Variants in SLC17A5 observed in about 807,000 individuals in gnomAD.
The protein encoded by SLC17A5 is sialin.
In SLC17A5, 47 loss-of-function variants were observed where a neutral mutation model predicts 59.4. The ratio of observed to expected loss-of-function variants is 0.79; its 90% CI spans 0.63 to 1.01. SLC17A5 has a LOEUF of 1.01. SLC17A5 is among the 50% of genes least tolerant of loss of function. SLC17A5 has a pLI of 0.00. For missense variants in SLC17A5, 522 were observed against 595.5 expected (o/e 0.88, Z 1.28); for synonymous variants, 202 against 210.7 (o/e 0.96, Z 0.36).
chr6:73,619,922 G>GTT (rs1174723514), intron 7 of SLC17A5, among the ~76,000 whole-genome samples: 139 of 119,112 alleles, frequency 1.2e-3, no homozygotes, highest in East Asian at 2.7e-3. Flanking sequence ...TTGAGAATTT[G>GTT]TTTTTTTTTT....
rs147183137 is a variant in SLC17A5, at chr6:73,599,985, G to A, written c.1350+366C>T. ...TAATTTTTGTATTTTTAGTAGAGAC[G>A]GGGTTTCACCATGTTGGTGAGGCTG... On this transcript the variant is annotated intron_variant, in intron 10 of 10. Transcript: ENST00000355773. Among the ~76,000 whole-genome samples, 855 of 152,132 alleles carry A rather than the reference G, an allele frequency of 5.6e-3. 6 individuals are homozygous for A. Among genetic ancestry groups the A allele is most frequent in the Middle Eastern group, 0.01 (3 of 294 alleles).
At chr6:73,652,019 T>C (rs1461353243) in intron 1 of SLC17A5, among the ~76,000 whole-genome samples, 3 of 152,298 alleles carry the variant, frequency 2.0e-5, no homozygotes, top group South Asian at 2.1e-4. Flanking sequence ...GCTGGTTACA[T>C]GGGGGCTCAT....
In SLC17A5 at chr6:73,598,091, T is replaced by A. The variant is rs886420819; in HGVS notation, c.1350+2260A>T. Among the ~76,000 whole-genome samples, 5 of 152,220 alleles carry A rather than the reference T, an allele frequency of 3.3e-5. 1 individual carries two copies. Among genetic ancestry groups the A allele is most frequent in the African/African-American group, 7.2e-5 (3 of 41,456 alleles). On this transcript the variant is annotated intron_variant, in intron 10 of 10. Transcript: ENST00000355773. ...ATTACTAAGACAAAGCTGCCCTGTG[T>A]GGTCTCTGGGACAAAATAATACTTC...
intron 7 of SLC17A5, 37 bp downstream of exon 7, chr6:73,621,762 TTATAC>T (rs778583517): frequency 9.5e-6 from 14 of 1,472,368 alleles, no homozygotes; most frequent in Non-Finnish European, 1.2e-5. Context: ...GTGTATGGTC[TTATAC>T]TATATATATA....
At chr6:73,616,678 G>T in intron 7 of SLC17A5, among the ~76,000 whole-genome samples, 1 of 148,278 alleles carries the variant, frequency 6.7e-6, no homozygotes, top group African/African-American at 2.5e-5. Context: ...GCGTGATCTT[G>T]GCTCATTGCA....
chr6:73,632,639 C>T (rs925461497), intron 6 of SLC17A5, among the ~76,000 whole-genome samples: 9 of 151,272 alleles, frequency 5.9e-5, no homozygotes, highest in East Asian at 1.9e-4. Flanking sequence ...GATGAGGTCT[C>T]GTCATGTTGC....
At chr6:73,637,662 T>G (rs1277792196) in intron 4 of SLC17A5, among the ~76,000 whole-genome samples, 1 of 152,184 alleles carries the variant, frequency 6.6e-6, no homozygotes, top group Non-Finnish European at 1.5e-5. Context: ...TGTTATTTCT[T>G]GCCTGAGTGC....
chr6:73,635,998 C>T (rs1315550898), intron 5 of SLC17A5, among the ~76,000 whole-genome samples: 1 of 152,130 alleles, frequency 6.6e-6, no homozygotes, highest in Non-Finnish European at 1.5e-5. Context: ...CTCGGCCTCC[C>T]AAAGTGCTGG....
chr6:73,601,910 G>A (rs1278160031), intron 9 of SLC17A5, among the ~76,000 whole-genome samples: 3 of 151,926 alleles, frequency 2.0e-5, no homozygotes, highest in African/African-American at 7.2e-5. Flanking sequence ...GAGCCCCTCT[G>A]CCCGGCCACC....
intron 6 of SLC17A5, among the ~76,000 whole-genome samples, chr6:73,633,452 G>A (rs375566117): frequency 1.2e-4 from 18 of 151,828 alleles, no homozygotes; most frequent in Admixed American, 1.3e-4. Context: ...GGCTGGTCTT[G>A]AACTCCAGGG....
chr6:73,615,880 C>CTTTTTTGTTTT (rs1561990017), intron 7 of SLC17A5, among the ~76,000 whole-genome samples: 4 of 97,598 alleles, frequency 4.1e-5, no homozygotes, highest in East Asian at 3.2e-4. Context: ...ATGAATCATT[C>CTTTTTTGTTTT]TTTTTTTTTT....
rs185079299 is a variant in SLC17A5 at position 73,622,569 on chromosome 6, C to T, written c.820-607G>A. The stretch of plus-strand genomic sequence containing the variant: ...CGACCCAAAGTGCTGGGATTACAGG[C>T]GTGAGCCACCGTGCCCGGCCTGAAT... On this transcript the variant is annotated intron_variant, in intron 6 of 10. Transcript: ENST00000355773. Among the ~76,000 whole-genome samples the T allele has an allele frequency of 2.0e-5, 3 of 152,248 alleles. No homozygotes were observed. In the East Asian group the frequency reaches 5.8e-4, roughly 29 times the overall value.
intron 9 of SLC17A5, among the ~76,000 whole-genome samples, chr6:73,602,590 T>A (rs372212653): frequency 6.6e-6 from 1 of 151,980 alleles, no homozygotes; most frequent in Admixed American, 6.6e-5. Flanking sequence ...CTGGCTAACA[T>A]GGTGAAACCC....
chr6:73,646,012 C>A (rs995230636), intron 1 of SLC17A5, among the ~76,000 whole-genome samples: 1 of 152,026 alleles, frequency 6.6e-6, no homozygotes, highest in African/African-American at 2.4e-5. Context: ...ATTAGCTAAT[C>A]CAGAGTCTGA....
At chr6:73,646,827 C>A (rs1020602994) in intron 1 of SLC17A5, among the ~76,000 whole-genome samples, 1 of 152,074 alleles carries the variant, frequency 6.6e-6, no homozygotes, top group Admixed American at 6.6e-5. Flanking sequence ...CATATGGCAG[C>A]ATATCTGACT....
At chr6:73,600,539 C>CAAAA in intron 9 of SLC17A5, 98 bp from the exon 10 acceptor site, 1 of 941,546 alleles carries the variant, frequency 1.1e-6, no homozygotes, top group Non-Finnish European at 1.6e-6. Context: ...GACAGAGTCT[C>CAAAA]ACTCTGTGGC....
intron 1 of SLC17A5, 79 bp from the exon 2 acceptor site, chr6:73,644,682 G>C (rs149988878): frequency 4.3e-6 from 6 of 1,384,494 alleles, no homozygotes; most frequent in Non-Finnish European, 6.0e-6. Context: ...ATGTTGCTTA[G>C]GCTGGTCTTG....
chr6:73,614,626 GA>G (rs1417782822), intron 8 of SLC17A5, among the ~76,000 whole-genome samples: 2 of 152,156 alleles, frequency 1.3e-5, no homozygotes, highest in Non-Finnish European at 1.5e-5. Context: ...AGAGAGGGGA[GA>G]GGGGCTGAAG....
intron 1 of SLC17A5, among the ~76,000 whole-genome samples, chr6:73,650,197 C>CAAAAAAAA (rs756204732): frequency 7.7e-5 from 3 of 39,022 alleles, no homozygotes; most frequent in African/African-American, 1.3e-4. Context: ...CTTTTTTCTA[C>CAAAAAAAA]AAAAAAAAAA....
Sources: gnomAD v4.1 joint callset for allele counts (sites outside exome capture counted in the v4.1 genomes callset) on GRCh38, gnomAD v4.1.1 for gene constraint, MANE v1.5 for transcripts, NCBI Gene and HGNC (gene_info 2026-07-23, HGNC 2026-07-21) for gene names.